Variants in ZFHX3 observed in about 807,000 individuals in gnomAD.
ZFHX3 encodes zinc finger homeobox protein 3.
Under a neutral mutation model 279.1 loss-of-function variants are expected in ZFHX3, and 42 were observed. The ratio of observed to expected loss-of-function variants is 0.15; its 90% CI spans 0.12 to 0.19. The LOEUF is 0.19. Ranked by LOEUF, ZFHX3 falls within the 10% of genes least tolerant of loss-of-function variation. The pLI, the probability that ZFHX3 is intolerant of heterozygous loss-of-function variation, is 1.00. For synonymous variants in ZFHX3, 2,293 were observed against 1,957.8 expected (o/e 1.17, Z -4.52); for missense variants, 4,981 against 4,754.0 (o/e 1.05, Z -1.40).
At chr16:73,100,163 G>T (rs1306493260) in intron 7 of ZFHX3, among the ~76,000 whole-genome samples, 2 of 152,106 alleles carry the variant, frequency 1.3e-5, no homozygotes, top group African/African-American at 4.8e-5. Context: ...AAACATACTG[G>T]GTTTTGTTCC....
intron 5 of ZFHX3, among the ~76,000 whole-genome samples, chr16:73,256,386 C>G (rs1011157938): frequency 2.0e-5 from 3 of 152,172 alleles, no homozygotes; most frequent in African/African-American, 7.2e-5. Context: ...TAGCTCATCA[C>G]GTTTTATAGA....
Position 72,795,093 on chromosome 16 carries a change from T to C in ZFHX3, c.7589A>G (p.Tyr2530Cys). 6.2e-7 allele frequency: 1 copy of C among 1,613,782 alleles called. No homozygotes were observed. Among genetic ancestry groups the C allele is most frequent in the Non-Finnish European group, 8.5e-7 (1 of 1,179,964 alleles). The change falls in exon 9 of 10, where the codon TAC (tyrosine) becomes TGC (cysteine). Residue 2530 changes from tyrosine to cysteine, a missense_variant. By Grantham distance (194) the Tyr-to-Cys change is radical. Coordinates refer to ENST00000268489, the MANE Select transcript of ZFHX3 (RefSeq NM_006885.4). Reference protein sequence around the residue: ...LANLPPQLIPYQCDQCKLAFP... With the variant: ...LANLPPQLIPCQCDQCKLAFP... ...TGCCAACTTACACTGGTCACACTGG[T>C]AGGGGATTAGCTGAGGAGGTAGGTT...
chr16:73,770,011 A>G (rs573666373), intron 1 of ZFHX3, among the ~76,000 whole-genome samples: 1 of 152,242 alleles, frequency 6.6e-6, no homozygotes, highest in Non-Finnish European at 1.5e-5. Context: ...GGTCGGCAGA[A>G]TAATGGTCCC....
At chr16:73,440,264 G>A (rs1028524096) in intron 3 of ZFHX3, among the ~76,000 whole-genome samples, 5 of 152,084 alleles carry the variant, frequency 3.3e-5, no homozygotes, top group Non-Finnish European at 5.9e-5. Flanking sequence ...AATCAATACC[G>A]TGTTACTGAA....
intron 1 of ZFHX3, among the ~76,000 whole-genome samples, chr16:73,053,426 T>G (rs1965485442): frequency 6.6e-6 from 1 of 151,958 alleles, no homozygotes; most frequent in Admixed American, 6.5e-5. Flanking sequence ...AATGCCAGCT[T>G]CAGATTTGCA....
chr16:73,203,105 G>T (rs1021559995), intron 5 of ZFHX3, among the ~76,000 whole-genome samples: 1 of 151,794 alleles, frequency 6.6e-6, no homozygotes, highest in East Asian at 1.9e-4. Context: ...CAGCCTCTTG[G>T]TGCCTATTTT....
At chr16:73,018,409 C>T (rs1964182847) in intron 1 of ZFHX3, among the ~76,000 whole-genome samples, 1 of 151,996 alleles carries the variant, frequency 6.6e-6, no homozygotes, top group Non-Finnish European at 1.5e-5. Context: ...AGATCGAGAC[C>T]ATCCTGGCCA....
At chr16:73,516,332 AGT>A (rs1311109938) in intron 2 of ZFHX3, among the ~76,000 whole-genome samples, 2 of 152,256 alleles carry the variant, frequency 1.3e-5, no homozygotes, top group African/African-American at 4.8e-5. Flanking sequence ...AGAAAATACG[AGT>A]GTGTGTGTGC....
intron 2 of ZFHX3, among the ~76,000 whole-genome samples, chr16:73,659,890 T>A (rs1464613256): frequency 6.6e-6 from 1 of 152,110 alleles, no homozygotes; most frequent in East Asian, 1.9e-4. Context: ...GCCACCCAAA[T>A]GAACATGGAT....
chr16:73,350,373 T>C (rs191161574), intron 3 of ZFHX3, among the ~76,000 whole-genome samples: 17 of 152,340 alleles, frequency 1.1e-4, no homozygotes, highest in Admixed American at 3.3e-4. Context: ...TGCACGGCCC[T>C]ACTTTTATCA....
intron 4 of ZFHX3, among the ~76,000 whole-genome samples, chr16:72,881,016 C>T (rs183415362): frequency 7.2e-5 from 11 of 152,152 alleles, no homozygotes; most frequent in Non-Finnish European, 1.2e-4. Flanking sequence ...TCCAGGCTGG[C>T]GGGAACCACA....
intron 2 of ZFHX3, among the ~76,000 whole-genome samples, chr16:73,522,629 G>A (rs1448537108): frequency 2.0e-5 from 3 of 152,162 alleles, no homozygotes; most frequent in African/African-American, 7.2e-5. Context: ...TAGGGCAAGA[G>A]GGCCTAGGGA....
At chr16:73,666,444 A>C (rs1162749615) in intron 2 of ZFHX3, among the ~76,000 whole-genome samples, 1 of 151,900 alleles carries the variant, frequency 6.6e-6, no homozygotes, top group Non-Finnish European at 1.5e-5. Context: ...AAAAATACTA[A>C]GGGAGTTTTA....
intron 1 of ZFHX3, among the ~76,000 whole-genome samples, chr16:73,807,270 C>T (rs936558653): frequency 2.6e-5 from 4 of 152,270 alleles, no homozygotes; most frequent in East Asian, 1.9e-4. Context: ...TGACACAAGG[C>T]CATCTGACTA....
At chr16:73,067,295 G>A (rs1182826759) in intron 8 of ZFHX3, among the ~76,000 whole-genome samples, 3 of 152,180 alleles carry the variant, frequency 2.0e-5, no homozygotes, top group Non-Finnish European at 4.4e-5. Flanking sequence ...CTTAAGCCCC[G>A]ACAGTTGAAT....
intron 1 of ZFHX3, among the ~76,000 whole-genome samples, chr16:73,761,695 C>A (rs1292746495): frequency 6.6e-6 from 1 of 152,168 alleles, no homozygotes; most frequent in Non-Finnish European, 1.5e-5. Context: ...CTGCAACCAT[C>A]TGATCTTCAA....
chr16:73,147,977 G>T (rs908496592), intron 5 of ZFHX3, among the ~76,000 whole-genome samples: 1 of 152,214 alleles, frequency 6.6e-6, no homozygotes, highest in Admixed American at 6.5e-5. Flanking sequence ...AGAAAGTCCA[G>T]TATCTATTTA....
At chr16:72,836,468 A>G (rs2037195253) in intron 4 of ZFHX3, among the ~76,000 whole-genome samples, 1 of 152,180 alleles carries the variant, frequency 6.6e-6, no homozygotes, top group South Asian at 2.1e-4. Flanking sequence ...TCTGGGTAAC[A>G]ATGCCCTGCC....
chr16:73,517,095 G>T (rs1183829137), intron 2 of ZFHX3, among the ~76,000 whole-genome samples: 2 of 152,142 alleles, frequency 1.3e-5, no homozygotes, highest in African/African-American at 4.8e-5. Flanking sequence ...GGCTGAGCGG[G>T]TCTGTTTTCC....
Sources: allele counts gnomAD v4.1 joint callset (sites outside exome capture counted in the v4.1 genomes callset), GRCh38; gene constraint gnomAD v4.1.1; transcripts MANE v1.5; gene names NCBI Gene and HGNC (gene_info 2026-07-23, HGNC 2026-07-21).